NXN: variants seen among roughly 807,000 people sequenced by gnomAD.
NXN encodes the protein nucleoredoxin 1.
A neutral mutation model predicts 48.6 loss-of-function variants in NXN; 16 were observed. The observed-to-expected ratio is 0.33, with a 90% confidence interval of 0.22 to 0.50. The LOEUF (loss-of-function observed/expected upper bound fraction) is 0.50. Among genes scored for constraint, NXN ranks in the 20% least tolerant of loss-of-function variants. The probability of loss-of-function intolerance (pLI) is 0.98; values close to 1 mark genes in which losing one functional copy is unlikely to be tolerated. For missense variants in NXN, 492 were observed against 605.5 expected (o/e 0.81, Z 1.97); for synonymous variants, 281 against 269.6 (o/e 1.04, Z -0.41).
At chr17:880,447 A>C (rs1400234368) in intron 1 of NXN, among the ~76,000 whole-genome samples, 1 of 152,194 alleles carries the variant, frequency 6.6e-6, no homozygotes. Context: ...GAAACTAATA[A>C]GTTACACTTT....
chr17:858,086 C>T (rs2068004538), intron 1 of NXN, among the ~76,000 whole-genome samples: 1 of 151,966 alleles, frequency 6.6e-6, no homozygotes, highest in Non-Finnish European at 1.5e-5. Context: ...TCCTCCCACC[C>T]CAGCCTCCCG....
chr17:969,341 C>T (rs749321814), intron 1 of NXN, among the ~76,000 whole-genome samples: 1 of 152,170 alleles, frequency 6.6e-6, no homozygotes, highest in Non-Finnish European at 1.5e-5. Context: ...GCCAAGTTTC[C>T]AACCCGGGAA....
intron 1 of NXN, among the ~76,000 whole-genome samples, chr17:871,407 T>C (rs1196181270): frequency 2.6e-5 from 3 of 115,592 alleles, no homozygotes; most frequent in Non-Finnish European, 1.8e-5. Context: ...CACTTTTTTT[T>C]TTTTTTTTTT....
At chr17:893,784 C>T (rs1310995663) in intron 1 of NXN, among the ~76,000 whole-genome samples, 2 of 39,786 alleles carry the variant, frequency 5.0e-5, no homozygotes, top group African/African-American at 3.4e-4. Context: ...CCAGAGGAAG[C>T]ATCTCAACTC....
chr17:916,051 T>A (rs2144937438), intron 1 of NXN, among the ~76,000 whole-genome samples: 1 of 152,378 alleles, frequency 6.6e-6, no homozygotes, highest in East Asian at 1.9e-4. Context: ...AGCGCCTGTC[T>A]GGCTGCCAAG....
At chr17:965,371 A>C (rs971032093) in intron 1 of NXN, among the ~76,000 whole-genome samples, 1 of 152,170 alleles carries the variant, frequency 6.6e-6, no homozygotes, top group Non-Finnish European at 1.5e-5. Context: ...GTTATCACAC[A>C]CACTTAGGAA....
At position 850,639 on chromosome 17, in the gene NXN, C is replaced by T. The variant is rs191931539; in HGVS notation, c.361-24561G>A. Among the ~76,000 whole-genome samples, 276 of 151,938 alleles carry T rather than the reference C, an allele frequency of 1.8e-3. 1 individual carries two copies. Among genetic ancestry groups the T allele is most frequent in the African/African-American group, 6.5e-3 (270 of 41,384 alleles). On this transcript the variant is annotated intron_variant, in intron 1 of 7. Coordinates refer to ENST00000336868, the MANE Select transcript of NXN (RefSeq NM_022463.5). Reference sequence around the variant, plus strand: ...TCACTCGCTCTCTCCAGGGGGGCGGCGTGGGGGCCCCGGGAGCTGAGTCAG... The same window carrying T: ...TCACTCGCTCTCTCCAGGGGGGCGGTGTGGGGGCCCCGGGAGCTGAGTCAG...
chr17:976,131 T>C (rs73279321), intron 1 of NXN, among the ~76,000 whole-genome samples: 3,003 of 152,128 alleles, frequency 0.02, 107 homozygotes, highest in African/African-American at 0.069. Flanking sequence ...GTACCTACCA[T>C]GACAACAGGC....
Position 837,994 on chromosome 17 carries a change from T to G in NXN, c.361-11916A>C, listed in dbSNP as rs536963841. On this transcript the variant is annotated intron_variant, in intron 1 of 7. Transcript: ENST00000336868. ...AGACAAAGCCACCGAGCATGATATATGCCGCACACGTTCTTTCTGGGTCCT... is the reference window on the plus strand; with the variant it reads ...AGACAAAGCCACCGAGCATGATATAGGCCGCACACGTTCTTTCTGGGTCCT... 1.6e-3 allele frequency among the ~76,000 whole-genome samples: 241 copies of G among 152,300 alleles called. 1 individual carries two copies. Among genetic ancestry groups the G allele is most frequent in the African/African-American group, 5.2e-3 (218 of 41,546 alleles).
At chr17:915,888 C>CCACTTA (rs1555621966) in intron 1 of NXN, among the ~76,000 whole-genome samples, 11 of 99,850 alleles carry the variant, frequency 1.1e-4, no homozygotes, top group African/African-American at 3.6e-4. Context: ...GAACTTCCAG[C>CCACTTA]TGCTCCCCCT....
intron 5 of NXN, among the ~76,000 whole-genome samples, chr17:805,730 C>T (rs970049254): frequency 2.0e-5 from 3 of 152,012 alleles, no homozygotes; most frequent in Non-Finnish European, 4.4e-5. Flanking sequence ...CCCAGCTACT[C>T]GGGAGGCTGA....
chr17:969,206 A>G (rs1039664384), intron 1 of NXN, among the ~76,000 whole-genome samples: 1 of 152,164 alleles, frequency 6.6e-6, no homozygotes, highest in Non-Finnish European at 1.5e-5. Flanking sequence ...CTTGTCAAAT[A>G]TTATGTCATT....
At chr17:937,004 G>A (rs1024338988) in intron 1 of NXN, among the ~76,000 whole-genome samples, 1 of 151,858 alleles carries the variant, frequency 6.6e-6, no homozygotes, top group Non-Finnish European at 1.5e-5. Context: ...AGGAGGCCGA[G>A]ATTGCACAAC....
At chr17:965,469 A>G (rs997382897) in intron 1 of NXN, among the ~76,000 whole-genome samples, 1 of 152,202 alleles carries the variant, frequency 6.6e-6, no homozygotes, top group Non-Finnish European at 1.5e-5. Context: ...AATAGGAACT[A>G]TCTAAGTGAT....
At chr17:959,708 C>G (rs1358219197) in intron 1 of NXN, among the ~76,000 whole-genome samples, 1 of 151,258 alleles carries the variant, frequency 6.6e-6, no homozygotes, top group East Asian at 1.9e-4. Flanking sequence ...GCAGGAGAAT[C>G]ATTTAAACCC....
intron 1 of NXN, among the ~76,000 whole-genome samples, chr17:963,813 C>A (rs1163689003): frequency 6.6e-6 from 1 of 151,926 alleles, no homozygotes. Flanking sequence ...CGCGGTGGCT[C>A]ACGCCTGTCA....
intron 1 of NXN, among the ~76,000 whole-genome samples, chr17:861,143 C>CTTTCT (rs1356326691): frequency 1.3e-5 from 2 of 151,928 alleles, no homozygotes; most frequent in Non-Finnish European, 2.9e-5. Context: ...TCAGCTCTTT[C>CTTTCT]TTTTTTTTGA....
At chr17:926,841 C>A (rs2068805358) in intron 1 of NXN, among the ~76,000 whole-genome samples, 1 of 152,120 alleles carries the variant, frequency 6.6e-6, no homozygotes, top group South Asian at 2.1e-4. Flanking sequence ...CGTGTCTGGC[C>A]ATCCCACACA....
At chr17:964,832 T>A (rs2069283134) in intron 1 of NXN, among the ~76,000 whole-genome samples, 1 of 152,236 alleles carries the variant, frequency 6.6e-6, no homozygotes, top group Non-Finnish European at 1.5e-5. Context: ...TTGCAGCTAG[T>A]GACTGTCTAT....
Sources: allele counts gnomAD v4.1 joint callset (sites outside exome capture counted in the v4.1 genomes callset), GRCh38; gene constraint gnomAD v4.1.1; transcripts MANE v1.5; gene names NCBI Gene and HGNC (gene_info 2026-07-23, HGNC 2026-07-21).